The following SOX5 variants were observed in gnomAD, a reference collection of about 807,000 sequenced individuals.
SOX5 encodes the protein transcription factor SOX-5.
A neutral mutation model predicts 92.0 loss-of-function variants in SOX5; 9 were observed. The observed-to-expected ratio is 0.10, with a 90% CI of 0.06 to 0.17. SOX5 has a LOEUF of 0.17. SOX5 is among the 10% of genes least tolerant of loss of function. SOX5 has a pLI of 1.00. For missense variants in SOX5, 642 were observed against 944.5 expected (o/e 0.68, Z 4.20); for synonymous variants, 344 against 336.3 (o/e 1.02, Z -0.25).
intron 4 of SOX5, among the ~76,000 whole-genome samples, chr12:24,208,133 A>C (rs1958211640): frequency 6.6e-6 from 1 of 151,988 alleles, no homozygotes; most frequent in East Asian, 1.9e-4. Context: ...TTGTATCTGC[A>C]CCCTGGTGTT....
intron 3 of SOX5, among the ~76,000 whole-genome samples, chr12:24,275,583 G>T (rs1289961091): frequency 6.6e-6 from 1 of 152,072 alleles, no homozygotes; most frequent in Admixed American, 6.6e-5. Flanking sequence ...TTTAGCCACT[G>T]CTCTACTGCT....
chr12:23,808,086 GGCA>G, intron 3 of SOX5, among the ~76,000 whole-genome samples: 1 of 150,556 alleles, frequency 6.6e-6, no homozygotes, highest in South Asian at 2.1e-4. Context: ...GTTTGAGCAA[GGCA>G]TCCTTGTTTT....
chr12:24,225,942 G>T (rs543375186), intron 3 of SOX5, among the ~76,000 whole-genome samples: 1 of 152,232 alleles, frequency 6.6e-6, no homozygotes, highest in Admixed American at 6.5e-5. Context: ...TCAAAGAAAC[G>T]TAAAGTTTAA....
intron 4 of SOX5, among the ~76,000 whole-genome samples, chr12:23,958,786 T>A (rs951251651): frequency 1.3e-4 from 20 of 151,392 alleles, no homozygotes; most frequent in Non-Finnish European, 2.8e-4. Context: ...GAATTTAGAA[T>A]TAATTTGTTA....
intron 11 of SOX5, among the ~76,000 whole-genome samples, chr12:23,561,889 C>T (rs111888879): frequency 6.6e-6 from 1 of 151,278 alleles, no homozygotes; most frequent in South Asian, 2.1e-4. Flanking sequence ...ATTCAATGCG[C>T]TTAACAAATA....
intron 4 of SOX5, among the ~76,000 whole-genome samples, chr12:23,961,398 T>C (rs1946914811): frequency 6.6e-6 from 1 of 152,164 alleles, no homozygotes; most frequent in Non-Finnish European, 1.5e-5. Flanking sequence ...CCCAGCCTCA[T>C]CTCTCCCTAC....
chr12:24,461,492 A>G (rs536346593), intron 1 of SOX5, among the ~76,000 whole-genome samples: 76 of 152,334 alleles, frequency 5.0e-4, no homozygotes, highest in African/African-American at 1.8e-3. Flanking sequence ...AAATAGCAAT[A>G]CACACTAATG....
intron 14 of SOX5, among the ~76,000 whole-genome samples, chr12:23,535,889 G>A (rs1019737866): frequency 6.6e-6 from 1 of 152,122 alleles, no homozygotes; most frequent in African/African-American, 2.4e-5. Flanking sequence ...CAACAACCTT[G>A]CCACGGGAGC....
Position 23,837,278 on chromosome 12 carries a change from T to TA in SOX5, c.481+8704_481+8705insT, listed in dbSNP as rs1568204599. 3.7e-5 allele frequency among the ~76,000 whole-genome samples: 3 copies of TA among 82,156 alleles called. No individual in the cohort carries two copies. The East Asian group carries it at 5.4e-3, about 147-fold the overall frequency. 53.9% of individuals were successfully genotyped at this position (82,156 alleles called of 152,430 possible). ...ATATTTATATAATATATAATATGTA[T>TA]TTATATTTATATTTATATAATATAT... On this transcript the variant is annotated intron_variant, in intron 3 of 14. Transcript: ENST00000451604.
chr12:23,836,227 G>A (rs78519901), intron 3 of SOX5, among the ~76,000 whole-genome samples: 2,770 of 151,800 alleles, frequency 0.018, 84 homozygotes, highest in African/African-American at 0.062. Flanking sequence ...AAGACCAACC[G>A]ATAGACCATA....
At chr12:23,732,089 CTT>C (rs2093414664) in intron 6 of SOX5, among the ~76,000 whole-genome samples, 2 of 152,104 alleles carry the variant, frequency 1.3e-5, no homozygotes, top group Non-Finnish European at 2.9e-5. Flanking sequence ...TAAAATAAAT[CTT>C]ATAATATTTG....
chr12:23,699,357 G>C (rs1392100236), intron 6 of SOX5, among the ~76,000 whole-genome samples: 1 of 152,082 alleles, frequency 6.6e-6, no homozygotes, highest in Non-Finnish European at 1.5e-5. Flanking sequence ...CTTTCTAGTT[G>C]TTTATGAGGC....
At chr12:24,418,099 T>TC (rs1262145229) in intron 1 of SOX5, among the ~76,000 whole-genome samples, 1 of 152,164 alleles carries the variant, frequency 6.6e-6, no homozygotes, top group African/African-American at 2.4e-5. Context: ...TTTTTTTCTT[T>TC]CCTTTTTCTT....
At chr12:24,496,626 A>C (rs1467233490) in intron 1 of SOX5, among the ~76,000 whole-genome samples, 2 of 152,184 alleles carry the variant, frequency 1.3e-5, no homozygotes, top group African/African-American at 4.8e-5. Context: ...GCTGGTTAAA[A>C]TGTTCAGAAT....
chr12:24,446,774 A>C (rs182144261), intron 1 of SOX5, among the ~76,000 whole-genome samples: 1 of 152,186 alleles, frequency 6.6e-6, no homozygotes, highest in Non-Finnish European at 1.5e-5. Flanking sequence ...TATATGTTTT[A>C]TATCAACAAT....
rs1391464540 is a variant in SOX5 at position 23,570,929 on chromosome 12, AAATATATATATATATATATATATATAT to A, written c.1342+4705_1342+4731del. On this transcript the variant is annotated intron_variant, in intron 10 of 14. Transcript: ENST00000451604. ...CCAACTCAAAAAAAAAAAAAAAAAA[AAATATATATATATATATATATATATAT>A]ATATATATATATATATATATATATA... Among the ~76,000 whole-genome samples the A allele has an allele frequency of 1.6e-3, 26 of 15,994 alleles. 2 individuals are homozygous for A. The highest frequency in any genetic ancestry group is 3.0e-3 in the African/African-American group (12 of 3,958). 10.5% of individuals were successfully genotyped at this position (15,994 alleles called of 152,430 possible).
At chr12:23,894,986 C>T (rs982758023) in intron 2 of SOX5, among the ~76,000 whole-genome samples, 1 of 152,152 alleles carries the variant, frequency 6.6e-6, no homozygotes, top group Non-Finnish European at 1.5e-5. Context: ...AAGTGCCCCA[C>T]TACCTTCTTA....
chr12:24,195,086 C>G (rs1956883380), intron 4 of SOX5, among the ~76,000 whole-genome samples: 1 of 151,122 alleles, frequency 6.6e-6, no homozygotes, highest in South Asian at 2.1e-4. Context: ...GATTCTTTTC[C>G]CTAAAACATA....
intron 6 of SOX5, among the ~76,000 whole-genome samples, chr12:23,705,841 G>A (rs529386213): frequency 1.3e-5 from 2 of 152,118 alleles, no homozygotes; most frequent in Admixed American, 6.6e-5. Context: ...AATGTGAAGC[G>A]GTCCCCTTTT....
Sources: allele counts gnomAD v4.1 joint callset (sites outside exome capture counted in the v4.1 genomes callset), GRCh38; gene constraint gnomAD v4.1.1; transcripts MANE v1.5; gene names NCBI Gene and HGNC (gene_info 2026-07-23, HGNC 2026-07-21).